CLCN6: variants seen among roughly 807,000 people sequenced by gnomAD.
The protein encoded by CLCN6 is Cl-/H+ antiporter 6, also known as H(+)/Cl(-) exchange transporter 6.
In CLCN6, 70 loss-of-function variants were observed where a neutral mutation model predicts 109.8. The observed-to-expected ratio is 0.64, with a 90% confidence interval of 0.53 to 0.78. The LOEUF is 0.78. Among genes scored for constraint, CLCN6 ranks in the 30% least tolerant of loss-of-function variants. The pLI, the probability that CLCN6 is intolerant of heterozygous loss-of-function variation, is 0.00. For missense variants in CLCN6, 984 were observed against 1,142.3 expected (o/e 0.86, Z 2.00); for synonymous variants, 444 against 447.8 (o/e 0.99, Z 0.11).
chr1:11,808,332 G>A (rs565460464), intron 2 of CLCN6, among the ~76,000 whole-genome samples: 4 of 151,132 alleles, frequency 2.6e-5, no homozygotes, highest in African/African-American at 9.7e-5. Context: ...TGACACCAGC[G>A]ATCCTCCCAT....
At chr1:11,826,339 G>A in intron 9 of CLCN6, 125 bp downstream of exon 9, 1 of 768,744 alleles carries the variant, frequency 1.3e-6, no homozygotes, top group Non-Finnish European at 2.2e-6. Flanking sequence ...GGAGAAGGGG[G>A]CGGGCTTTGA....
intron 22 of CLCN6, chr1:11,838,890 G>A (rs776004613): frequency 1.2e-5 from 9 of 726,204 alleles, no homozygotes; most frequent in Middle Eastern, 2.3e-4. Context: ...AGCCAGAGCC[G>A]CGCCTCTACC....
chr1:11,839,831 A>G (rs1226721690), intron 22 of CLCN6, among the ~76,000 whole-genome samples: 1 of 152,216 alleles, frequency 6.6e-6, no homozygotes, highest in Non-Finnish European at 1.5e-5. Flanking sequence ...AGGAGACTTC[A>G]AGGGCCCCAC....
chr1:11,839,382 C>G (rs1304667165), intron 22 of CLCN6, among the ~76,000 whole-genome samples: 2 of 152,190 alleles, frequency 1.3e-5, no homozygotes, highest in Non-Finnish European at 2.9e-5. Flanking sequence ...CCACCTCAGC[C>G]TCCTGAGTAG....
intron 4 of CLCN6, among the ~76,000 whole-genome samples, chr1:11,816,927 A>G (rs1428294337): frequency 2.6e-5 from 4 of 151,808 alleles, no homozygotes; most frequent in African/African-American, 9.7e-5. Context: ...AGCGAGACAC[A>G]TGACAATGGT....
intron 3 of CLCN6, 122 bp downstream of exon 3, chr1:11,816,033 C>T: frequency 1.4e-6 from 1 of 730,846 alleles, no homozygotes; most frequent in Non-Finnish European, 2.4e-6. Context: ...TCATGCGATA[C>T]AGGCAGACCT....
In CLCN6 at chr1:11,820,608, T is replaced by C. The variant is rs1465136947; in HGVS notation, c.346+1054T>C. 6 of 408,784 alleles carry C rather than the reference T, an allele frequency of 1.5e-5. 1 individual carries two copies. Among genetic ancestry groups the C allele is most frequent in the Admixed American group, 1.2e-4 (3 of 25,644 alleles). The allele number at this position is 408,784 out of a possible 1,614,324, so 25.3% of individuals were successfully genotyped here. The stretch of plus-strand genomic sequence containing the variant: ...GGTGAAACCCCGTCTCTACTAAAAA[T>C]ACAAAAAAATTAGCTGGGCGTGGCG... On this transcript the variant is annotated intron_variant, in intron 5 of 22. Coordinates refer to ENST00000346436, the MANE Select transcript of CLCN6 (RefSeq NM_001286.5).
chr1:11,813,263 G>C (rs1012354846), intron 2 of CLCN6, among the ~76,000 whole-genome samples: 1 of 152,164 alleles, frequency 6.6e-6, no homozygotes, highest in South Asian at 2.1e-4. Flanking sequence ...GAGAGTGAAA[G>C]GGGAAGCTTT....
rs2100641753 is a variant in CLCN6, at chr1:11,828,097, C to T, written c.841-9C>T. On this transcript the variant is annotated splice_polypyrimidine_tract_variant and intron_variant, in intron 10 of 22. Coordinates refer to ENST00000346436, the MANE Select transcript of CLCN6 (RefSeq NM_001286.5). ...TGAACCTTCTTGTCTTTTGTCACCT[C>T]TCCCCTAGCTCTTTTGTTCCATGTC... is the stretch of plus-strand genomic sequence containing the variant. 6.2e-7 allele frequency: 1 copy of T among 1,606,196 alleles called. No homozygotes were observed. Among genetic ancestry groups the T allele is most frequent in the Non-Finnish European group, 8.5e-7 (1 of 1,172,824 alleles).
At chr1:11,831,983 G>A (rs1644889355) in intron 13 of CLCN6, among the ~76,000 whole-genome samples, 2 of 152,210 alleles carry the variant, frequency 1.3e-5, no homozygotes, top group Non-Finnish European at 2.9e-5. Context: ...CGTTCCTTTA[G>A]TACAGAACTT....
At chr1:11,833,268 C>T (rs1440293267) in intron 13 of CLCN6, among the ~76,000 whole-genome samples, 1 of 152,106 alleles carries the variant, frequency 6.6e-6, no homozygotes, top group Non-Finnish European at 1.5e-5. Flanking sequence ...GAATCACGGC[C>T]ATAGTGACAT....
At chr1:11,837,755 G>A (rs1057420387) in intron 20 of CLCN6, among the ~76,000 whole-genome samples, 1 of 152,276 alleles carries the variant, frequency 6.6e-6, no homozygotes, top group Admixed American at 6.5e-5. Context: ...TGCTGTCCTT[G>A]CCCCTTCCTA....
rs1427740706 is a variant in CLCN6, at chr1:11,808,720, AGGACCTG to A, written c.147+1534_147+1540del. 8.2e-5 allele frequency among the ~76,000 whole-genome samples: 12 copies of A among 146,192 alleles called. No homozygotes were observed. The Middle Eastern group carries it at 0.01, about 125-fold the overall frequency. On this transcript the variant is annotated intron_variant, in intron 2 of 22. Coordinates refer to ENST00000346436, the MANE Select transcript of CLCN6 (RefSeq NM_001286.5). The stretch of plus-strand genomic sequence containing the variant: ...TTGTAAGTTATTTGACAACATAATT[AGGACCTG>A]GGATTTTCTACTGTCTAGATTTTGC...
chr1:11,829,285 C>T lies in CLCN6; in HGVS notation c.1211C>T (p.Ser404Phe). The change falls in exon 13 of 23, where the codon TCT becomes TTT. Residue 404 changes from serine (S) to phenylalanine (F), a missense_variant. Ser to Phe is a radical substitution (Grantham distance 155). Transcript: ENST00000346436. The part of the protein sequence containing the change: ...MVLGECRQMS[S>F]SSQIGNDSFQ... ...TTAGGAGAATGCCGACAGATGTCCTCTTCGAGTCAAATCGGTAATGACTCA... is the reference window on the plus strand; with the variant it reads ...TTAGGAGAATGCCGACAGATGTCCTTTTCGAGTCAAATCGGTAATGACTCA... 6.2e-7 allele frequency: 1 copy of T among 1,614,170 alleles called. No individual in the cohort carries two copies. Among genetic ancestry groups the T allele is most frequent in the Non-Finnish European group, 8.5e-7 (1 of 1,180,026 alleles).
intron 9 of CLCN6, among the ~76,000 whole-genome samples, chr1:11,826,436 A>G (rs1279288056): frequency 1.3e-5 from 2 of 152,244 alleles, no homozygotes; most frequent in South Asian, 2.1e-4. Context: ...GAAGCATCTC[A>G]GGCAAATGAA....
chr1:11,836,231 C>T, intron 18 of CLCN6, 78 bp downstream of exon 18: 1 of 1,397,276 alleles, frequency 7.2e-7, no homozygotes. Context: ...CTTTGCCCAC[C>T]CCTGGCTGGG....
At chr1:11,831,552 T>C (rs1570536281) in intron 13 of CLCN6, among the ~76,000 whole-genome samples, 1 of 152,204 alleles carries the variant, frequency 6.6e-6, no homozygotes, top group East Asian at 1.9e-4. Flanking sequence ...TCTGGCTCTT[T>C]ATGAAAAAGT....
At position 11,824,556 on chromosome 1, in the gene CLCN6, A is replaced by T; in HGVS notation, c.648+3A>T. ...TGGTGGGAGCTGGCCTCCCTCAGGT[A>T]AGATGGGCTGAGAGGGTGTGGGCCT... On this transcript the variant is annotated splice_donor_region_variant and intron_variant, in intron 8 of 22. Coordinates refer to ENST00000346436, the MANE Select transcript of CLCN6 (RefSeq NM_001286.5). 6.2e-7 allele frequency: 1 copy of T among 1,613,224 alleles called. No homozygotes were observed. Among genetic ancestry groups the T allele is most frequent in the Non-Finnish European group, 8.5e-7 (1 of 1,179,446 alleles).
chr1:11,811,384 AT>A (rs112220577), intron 2 of CLCN6, among the ~76,000 whole-genome samples: 5,166 of 144,000 alleles, frequency 0.036, 90 homozygotes, highest in South Asian at 0.048. Context: ...CCTACAGTCA[AT>A]TTTTTTTTTT....
Sources: gnomAD v4.1 joint callset for allele counts (sites outside exome capture counted in the v4.1 genomes callset) on GRCh38, gnomAD v4.1.1 for gene constraint, MANE v1.5 for transcripts, NCBI Gene and HGNC (gene_info 2026-07-23, HGNC 2026-07-21) for gene names.